PLA1A: variants seen among roughly 807,000 people sequenced by gnomAD.
PLA1A encodes the protein phosphatidylserine-specific phospholipase A1alpha.
A neutral mutation model predicts 49.4 loss-of-function variants in PLA1A; 47 were observed. The observed-to-expected ratio is 0.95, with a 90% CI of 0.75 to 1.21. The LOEUF is 1.21. PLA1A is among the 50% of genes most tolerant of loss of function. PLA1A has a pLI of 0.00. For synonymous variants in PLA1A, 224 were observed against 207.9 expected (o/e 1.08, Z -0.67); for missense variants, 561 against 563.9 (o/e 0.99, Z 0.05).
rs1412099777 is a variant in PLA1A at position 119,619,771 on chromosome 3, G to GC, written c.1012+120dup. On this transcript the variant is annotated intron_variant, in intron 8 of 10. Transcript: ENST00000273371. ...GAGCAAAGGCATCACCGGAGGTGTG[G>GC]CAACAGCCCCTGGTCTGAACCAAAA... 27 of 752,540 alleles carry GC rather than the reference G, an allele frequency of 3.6e-5. No individual in the cohort carries two copies. In the African/African-American group the frequency reaches 4.5e-4, roughly 12 times the overall value. The allele number at this position is 752,540 out of a possible 1,614,324, so 46.6% of individuals were successfully genotyped here. A position where few individuals can be genotyped will look rare whatever the true frequency, so the allele number is the denominator to read the frequency against.
intron 7 of PLA1A, 34 bp downstream of exon 7, chr3:119,618,220 T>A: frequency 1.9e-6 from 3 of 1,561,978 alleles, no homozygotes; most frequent in Non-Finnish European, 2.6e-6. Flanking sequence ...CCTTTGACAA[T>A]GTGGGGAAGT....
At position 119,625,110 on chromosome 3, in the gene PLA1A, C is replaced by G; in HGVS notation, c.1013-14C>G. 1 of 1,564,242 alleles carries G rather than the reference C, an allele frequency of 6.4e-7. No individual in the cohort carries two copies. Among genetic ancestry groups the G allele is most frequent in the South Asian group, 1.1e-5 (1 of 90,008 alleles). On this transcript the variant is annotated splice_polypyrimidine_tract_variant and intron_variant, in intron 8 of 10. Coordinates refer to ENST00000273371, the MANE Select transcript of PLA1A (RefSeq NM_015900.4). ...TGCCCTCTGGCCAGTCTCTGTTGTG[C>G]TTTGGTTTCCTAGTGCATCACAGCC... is the stretch of plus-strand genomic sequence containing the variant.
intron 1 of PLA1A, among the ~76,000 whole-genome samples, chr3:119,605,366 G>A (rs1385418946): frequency 6.6e-6 from 1 of 152,166 alleles, no homozygotes; most frequent in African/African-American, 2.4e-5. Flanking sequence ...AGGCCTCATG[G>A]CTTGAGGTAT....
Position 119,625,126 on chromosome 3 carries a change from C to T in PLA1A, c.1015C>T (p.His339Tyr). The T allele has an allele frequency of 6.2e-7, 1 of 1,606,390 alleles. No homozygotes were observed. The highest frequency in any genetic ancestry group is 8.5e-7 in the Non-Finnish European group (1 of 1,173,008). The change falls in exon 9 of 11, where the codon CAT becomes TAT. Residue 339 changes from histidine (H) to tyrosine (Y), a missense_variant and splice_region_variant. His to Tyr is a moderately conservative substitution (Grantham distance 83). Coordinates refer to ENST00000273371, the MANE Select transcript of PLA1A (RefSeq NM_015900.4). ...LTTSSAPYCM[H>Y]HSLVEFHLKE... Reference sequence around the variant, plus strand: ...TCTGTTGTGCTTTGGTTTCCTAGTGCATCACAGCCTCGTGGAGTTTCACTT... The same window carrying T: ...TCTGTTGTGCTTTGGTTTCCTAGTGTATCACAGCCTCGTGGAGTTTCACTT...
chr3:119,629,430 G>T lies in PLA1A; in HGVS notation c.1333G>T (p.Val445Leu). The change falls in exon 11 of 11, where the codon GTG (valine) becomes TTG (leucine). Residue 445 changes from valine to leucine, a missense_variant. By Grantham distance (32) the Val-to-Leu change is conservative. Coordinates refer to ENST00000273371, the MANE Select transcript of PLA1A (RefSeq NM_015900.4). ...TGAACCAGTGAACTTACAAGCAAGT[G>T]TGACTGTTTCCTGTGACCTGAAGAT... ...LPEPVNLQAS[V>L]TVSCDLKIAC... 6.2e-7 allele frequency: 1 copy of T among 1,611,736 alleles called. No homozygotes were observed. Among genetic ancestry groups the T allele is most frequent in the Non-Finnish European group, 8.5e-7 (1 of 1,178,186 alleles).
chr3:119,625,268 T>C, intron 9 of PLA1A, 36 bp downstream of exon 9: 1 of 1,313,790 alleles, frequency 7.6e-7, no homozygotes, highest in East Asian at 2.3e-5. Flanking sequence ...CTCCTCCCCT[T>C]AGGAGTTGGT....
intron 4 of PLA1A, among the ~76,000 whole-genome samples, chr3:119,609,875 T>C (rs967116359): frequency 2.6e-5 from 4 of 152,218 alleles, no homozygotes; most frequent in African/African-American, 9.7e-5. Context: ...GTTTATTACA[T>C]GGGTGTAGCA....
intron 1 of PLA1A, among the ~76,000 whole-genome samples, chr3:119,601,161 C>T (rs1560075394): frequency 6.6e-6 from 1 of 152,234 alleles, no homozygotes; most frequent in Non-Finnish European, 1.5e-5. Context: ...TTGGTCCAGG[C>T]CACAGAATCA....
chr3:119,617,114 GTTCCAGCCAA>G (rs1184308903), intron 6 of PLA1A, among the ~76,000 whole-genome samples: 22 of 152,322 alleles, frequency 1.4e-4, no homozygotes, highest in African/African-American at 4.6e-4. Context: ...ATACTTCTTA[GTTCCAGCCAA>G]TTTATCCAAT....
chr3:119,620,792 A>G (rs1198075201), intron 8 of PLA1A, among the ~76,000 whole-genome samples: 2 of 152,222 alleles, frequency 1.3e-5, no homozygotes, highest in East Asian at 3.8e-4. Flanking sequence ...TACAGAGTCA[A>G]CTGTGGGCTT....
intron 1 of PLA1A, among the ~76,000 whole-genome samples, chr3:119,604,700 T>C (rs886949966): frequency 2.6e-5 from 4 of 152,200 alleles, no homozygotes; most frequent in Non-Finnish European, 5.9e-5. Context: ...AAGATGATAA[T>C]TTATATTCTT....
chr3:119,600,329 A>T, intron 1 of PLA1A: 1 of 701,668 alleles, frequency 1.4e-6, no homozygotes, highest in Admixed American at 2.0e-5. Flanking sequence ...TCCTTGATCA[A>T]CCTGGCCCTT....
intron 1 of PLA1A, among the ~76,000 whole-genome samples, chr3:119,598,372 G>C (rs2082569785): frequency 6.6e-6 from 1 of 152,094 alleles, no homozygotes; most frequent in Admixed American, 6.5e-5. Context: ...AACTAATAAT[G>C]ATTTTGTCAC....
intron 3 of PLA1A, 92 bp downstream of exon 3, chr3:119,609,039 G>A: frequency 9.5e-7 from 1 of 1,050,276 alleles, no homozygotes; most frequent in Non-Finnish European, 1.4e-6. Context: ...GCTTAGGGTG[G>A]AAGCAGAGTC....
At chr3:119,605,655 C>T (rs1447768314) in intron 1 of PLA1A, among the ~76,000 whole-genome samples, 1 of 152,238 alleles carries the variant, frequency 6.6e-6, no homozygotes. Flanking sequence ...CCCTGCTGCT[C>T]CTGCCAGTCT....
chr3:119,608,659 C>T, intron 2 of PLA1A, 111 bp from the exon 3 acceptor site: 1 of 833,886 alleles, frequency 1.2e-6, no homozygotes, highest in East Asian at 2.4e-5. Flanking sequence ...TCATATGAGC[C>T]CTTCTCTAGT....
At chr3:119,598,856 C>T (rs2082575946) in intron 1 of PLA1A, among the ~76,000 whole-genome samples, 1 of 152,190 alleles carries the variant, frequency 6.6e-6, no homozygotes, top group South Asian at 2.1e-4. Context: ...CAGCACCCCT[C>T]CCTGCTACAA....
At chr3:119,617,609 G>A (rs570530659) in intron 6 of PLA1A, among the ~76,000 whole-genome samples, 1 of 152,092 alleles carries the variant, frequency 6.6e-6, no homozygotes, top group African/African-American at 2.4e-5. Context: ...GAGGCATGGT[G>A]GTGTGCGCCT....
chr3:119,607,005 C>T, intron 2 of PLA1A, 30 bp downstream of exon 2: 3 of 1,539,558 alleles, frequency 1.9e-6, no homozygotes, highest in Non-Finnish European at 2.7e-6. Context: ...CAGGACTTCT[C>T]AACTAAGAAT....
Sources: gnomAD v4.1 joint callset for allele counts (sites outside exome capture counted in the v4.1 genomes callset) on GRCh38, gnomAD v4.1.1 for gene constraint, MANE v1.5 for transcripts, NCBI Gene and HGNC (gene_info 2026-07-23, HGNC 2026-07-21) for gene names.